Variants in HMCN1 observed in about 807,000 individuals in gnomAD.
HMCN1 encodes the protein hemicentin-1.
In HMCN1, 321 loss-of-function variants were observed where a neutral mutation model predicts 625.9. That is an observed-to-expected ratio of 0.51 (90% CI 0.47 to 0.56). The LOEUF (loss-of-function observed/expected upper bound fraction) is 0.56, where lower values mean the gene tolerates loss of function less well. HMCN1 is among the 20% of genes least tolerant of loss of function. The pLI, the probability that HMCN1 is intolerant of heterozygous loss-of-function variation, is 0.00. For synonymous variants in HMCN1, 2,425 were observed against 2,417.6 expected (o/e 1.00, Z -0.09); for missense variants, 6,588 against 6,887.3 (o/e 0.96, Z 1.54).
intron 16 of HMCN1, among the ~76,000 whole-genome samples, chr1:185,980,525 C>T (rs1651543219): frequency 6.6e-6 from 1 of 152,156 alleles, no homozygotes; most frequent in Non-Finnish European, 1.5e-5. Flanking sequence ...TTTTTACCCA[C>T]TGAATGCCAG....
chr1:185,974,088 A>G (rs772273650), intron 15 of HMCN1, among the ~76,000 whole-genome samples: 13 of 152,330 alleles, frequency 8.5e-5, no homozygotes, highest in South Asian at 8.3e-4. Context: ...GTACACAGCC[A>G]TATCTATATG....
chr1:185,959,556 T>C (rs928550880), intron 11 of HMCN1, among the ~76,000 whole-genome samples: 1 of 152,148 alleles, frequency 6.6e-6, no homozygotes, highest in African/African-American at 2.4e-5. Context: ...ATTAATACCT[T>C]GCCCCCTAAT....
At chr1:185,788,679 G>A (rs1445827605) in intron 1 of HMCN1, among the ~76,000 whole-genome samples, 3 of 152,146 alleles carry the variant, frequency 2.0e-5, no homozygotes, top group Admixed American at 6.5e-5. Context: ...TCCTGAGCTC[G>A]CTTGAGCTGT....
At chr1:186,087,129 G>T in intron 58 of HMCN1, 88 bp from the exon 59 acceptor site, 1 of 817,624 alleles carries the variant, frequency 1.2e-6, no homozygotes, top group Non-Finnish European at 2.2e-6. Flanking sequence ...TAAGGGGAAG[G>T]ATATATGTTG....
chr1:186,079,840 C>T (rs895233451), intron 55 of HMCN1, among the ~76,000 whole-genome samples: 1 of 151,986 alleles, frequency 6.6e-6, no homozygotes, highest in Non-Finnish European at 1.5e-5. Context: ...TTAACTGGTC[C>T]CCAAATTCTG....
intron 10 of HMCN1, among the ~76,000 whole-genome samples, chr1:185,932,435 C>T (rs1667596593): frequency 6.6e-6 from 1 of 152,102 alleles, no homozygotes; most frequent in Non-Finnish European, 1.5e-5. Context: ...GAATATTTGA[C>T]ACACTTTCAT....
In HMCN1 at chr1:186,178,668, C is replaced by T. The variant is rs1486862177; in HGVS notation, c.16196C>T (p.Ser5399Leu). 1 of 1,613,944 alleles carries T rather than the reference C, an allele frequency of 6.2e-7. No homozygotes were observed. The highest frequency in any genetic ancestry group is 1.3e-5 in the African/African-American group (1 of 75,042). Residue 5399 changes from serine (S) to leucine (L), a missense_variant, in exon 104 of 107, where the codon TCA becomes TTA. Ser to Leu is a moderately radical substitution (Grantham distance 145, BLOSUM62 -2). Around this residue, in one of 3 missense-constraint regions of HMCN1, gnomAD observed 1,954 missense variants for 2,013.1 expected, o/e 0.97. Coordinates refer to ENST00000271588, the MANE Select transcript of HMCN1 (RefSeq NM_031935.3). ...TACTCACATCTCTACAGCTCCTACT[C>T]AGAGTATAGAAACAGCAGAACATCT... is the stretch of plus-strand genomic sequence containing the variant. ...RQYSHLYSSY[S>L]EYRNSRTSLS... is the part of the protein sequence containing the mutation.
chr1:186,001,471 A>G, intron 27 of HMCN1, 43 bp downstream of exon 27: 1 of 1,608,346 alleles, frequency 6.2e-7, no homozygotes, highest in Non-Finnish European at 8.5e-7. Context: ...TTGCCTCTGC[A>G]TCTGAAGTAG....
chr1:186,179,847 G>A (rs977504925), intron 104 of HMCN1, among the ~76,000 whole-genome samples: 5 of 151,866 alleles, frequency 3.3e-5, no homozygotes, highest in East Asian at 1.9e-4. Flanking sequence ...GTCAACCTTA[G>A]GTGGATTCAT....
At chr1:186,000,544 T>G (rs952958369) in intron 26 of HMCN1, among the ~76,000 whole-genome samples, 92 of 127,214 alleles carry the variant, frequency 7.2e-4, no homozygotes, top group African/African-American at 2.8e-3. Flanking sequence ...GCGTGTAGGG[T>G]GTGTGTGTGT....
At chr1:186,087,375 G>T in intron 59 of HMCN1, 45 bp downstream of exon 59, 1 of 1,597,398 alleles carries the variant, frequency 6.3e-7, no homozygotes, top group Non-Finnish European at 8.6e-7. Context: ...TTTAAAACTG[G>T]TATTCAATAT....
intron 11 of HMCN1, among the ~76,000 whole-genome samples, chr1:185,952,392 A>G (rs941362541): frequency 3.3e-5 from 5 of 151,558 alleles, no homozygotes; most frequent in Non-Finnish European, 5.9e-5. Context: ...GGTCTGTAGA[A>G]AAGGAAGATT....
At chr1:185,840,215 A>G (rs1661396729) in intron 1 of HMCN1, among the ~76,000 whole-genome samples, 1 of 152,226 alleles carries the variant, frequency 6.6e-6, no homozygotes, top group Non-Finnish European at 1.5e-5. Context: ...TAAACTGAAA[A>G]CAGTAAAAGT....
chr1:185,956,477 G>T lies in HMCN1; in HGVS notation c.1829-6041G>T, dbSNP rs553498130. ...TTTACTTTTACTCATTTATTATAAA[G>T]GATATTACAAAGAATACAGATGAAC... On this transcript the variant is annotated intron_variant, in intron 11 of 106. Coordinates refer to ENST00000271588, the MANE Select transcript of HMCN1 (RefSeq NM_031935.3). Among the ~76,000 whole-genome samples the T allele has an allele frequency of 7.2e-5, 11 of 152,288 alleles. No individual in the cohort carries two copies. The South Asian group carries it at 1.7e-3, about 23-fold the overall frequency.
At chr1:186,041,872 G>A (rs1183835310) in intron 40 of HMCN1, among the ~76,000 whole-genome samples, 33 of 152,038 alleles carry the variant, frequency 2.2e-4, no homozygotes, top group Admixed American at 2.2e-3. Context: ...AATGCAGAAT[G>A]CAAGCCTTCT....
In HMCN1 at chr1:186,053,091, G is replaced by A. The variant is rs756525680; in HGVS notation, c.6700+17G>A. The A allele has an allele frequency of 6.3e-6, 10 of 1,599,090 alleles. No homozygotes were observed. The highest frequency in any genetic ancestry group is 8.6e-6 in the Non-Finnish European group (10 of 1,167,944). Reference sequence around the variant, plus strand: ...AGAAGAAAGGTCAGTTTTCATCCTTGAAATTTATAAAATTAAAGAAAATAT... The same window carrying A: ...AGAAGAAAGGTCAGTTTTCATCCTTAAAATTTATAAAATTAAAGAAAATAT... On this transcript the variant is annotated intron_variant, in intron 43 of 106. Transcript: ENST00000271588.
chr1:186,061,487 C>T (rs913423819), intron 46 of HMCN1, among the ~76,000 whole-genome samples: 3 of 152,086 alleles, frequency 2.0e-5, no homozygotes, highest in South Asian at 2.1e-4. Context: ...GATTACAATT[C>T]GAGATGAGGT....
intron 82 of HMCN1, 102 bp from the exon 83 acceptor site, chr1:186,127,976 G>T: frequency 2.1e-6 from 2 of 959,320 alleles, no homozygotes; most frequent in Non-Finnish European, 3.3e-6. Context: ...AATTGTCTTT[G>T]GATAAGAGAG....
intron 53 of HMCN1, among the ~76,000 whole-genome samples, chr1:186,075,611 C>A (rs1453510603): frequency 6.6e-6 from 1 of 151,988 alleles, no homozygotes; most frequent in Non-Finnish European, 1.5e-5. Context: ...TGATACCTGC[C>A]ATTATTGTTG....
Sources: allele counts gnomAD v4.1 joint callset (sites outside exome capture counted in the v4.1 genomes callset), GRCh38; gene constraint gnomAD v4.1.1; regional missense constraint gnomAD v4.1.1; transcripts MANE v1.5; gene names NCBI Gene and HGNC (gene_info 2026-07-23, HGNC 2026-07-21).